Variants in MORC1 observed in about 807,000 individuals in gnomAD.
MORC1 encodes the protein MORC family CW-type zinc finger protein 1.
MORC1 carries 59 observed loss-of-function variants against 134.9 expected under a neutral mutation model. The ratio of observed to expected loss-of-function variants is 0.44; its 90% CI spans 0.35 to 0.54. MORC1 has a LOEUF of 0.54. Ranked by LOEUF, MORC1 falls within the 20% of genes least tolerant of loss-of-function variation. The probability of loss-of-function intolerance (pLI) is 0.00; values close to 1 mark genes in which losing one functional copy is unlikely to be tolerated. For missense variants in MORC1, 947 were observed against 1,134.5 expected (o/e 0.83, Z 2.37); for synonymous variants, 395 against 391.7 (o/e 1.01, Z -0.10).
At chr3:109,099,842 A>G (rs1950893624) in intron 5 of MORC1, among the ~76,000 whole-genome samples, 1 of 152,238 alleles carries the variant, frequency 6.6e-6, no homozygotes, top group South Asian at 2.1e-4. Context: ...ACAACAGAAC[A>G]TAGAGATGCA....
At chr3:109,056,907 G>T (rs187352168) in intron 13 of MORC1, among the ~76,000 whole-genome samples, 4 of 152,256 alleles carry the variant, frequency 2.6e-5, no homozygotes, top group Admixed American at 2.6e-4. Flanking sequence ...ATCCAAATAG[G>T]CTAGAGAGTT....
chr3:109,026,769 A>C (rs1201268594), intron 17 of MORC1, among the ~76,000 whole-genome samples: 1 of 152,170 alleles, frequency 6.6e-6, no homozygotes, highest in Non-Finnish European at 1.5e-5. Flanking sequence ...AAACTGTAGA[A>C]AGTTGAGCTA....
intron 17 of MORC1, among the ~76,000 whole-genome samples, chr3:109,012,860 T>C (rs1421561356): frequency 6.6e-6 from 1 of 152,228 alleles, no homozygotes; most frequent in Non-Finnish European, 1.5e-5. Flanking sequence ...AAAAAACTTT[T>C]ACCTCTTCTT....
At chr3:108,965,036 C>G (rs183451382) in intron 26 of MORC1, among the ~76,000 whole-genome samples, 1 of 152,122 alleles carries the variant, frequency 6.6e-6, no homozygotes. Flanking sequence ...GCAGGCAAAC[C>G]CAGGGAGAGA....
At chr3:109,106,921 C>T (rs1951053822) in intron 3 of MORC1, among the ~76,000 whole-genome samples, 1 of 152,172 alleles carries the variant, frequency 6.6e-6, no homozygotes, top group African/African-American at 2.4e-5. Flanking sequence ...TAAAATCCAA[C>T]CACCTAACAA....
rs1352570160 is a variant in MORC1 at position 109,008,394 on chromosome 3, A to G, written c.1705-1303T>C. Among the ~76,000 whole-genome samples, 3 of 152,044 alleles carry G rather than the reference A, an allele frequency of 2.0e-5. No individual in the cohort carries two copies. In the East Asian group the frequency reaches 5.8e-4, roughly 29 times the overall value. Reference sequence around the variant, plus strand: ...AGGCCTAGTATATACGATTATTCCAAGGGTACTTGAAGAGAAATACATACT... The same window carrying G: ...AGGCCTAGTATATACGATTATTCCAGGGGTACTTGAAGAGAAATACATACT... On this transcript the variant is annotated intron_variant, in intron 17 of 27. Transcript: ENST00000232603.
intron 8 of MORC1, among the ~76,000 whole-genome samples, chr3:109,071,347 A>G (rs1194359829): frequency 6.6e-6 from 1 of 152,216 alleles, no homozygotes; most frequent in Admixed American, 6.5e-5. Flanking sequence ...ATGTGTGTAT[A>G]TATATACATG....
At chr3:108,964,766 C>G (rs997947036) in intron 26 of MORC1, among the ~76,000 whole-genome samples, 2 of 152,146 alleles carry the variant, frequency 1.3e-5, no homozygotes, top group Non-Finnish European at 2.9e-5. Context: ...GCACATAAAT[C>G]TTATGGAACA....
At chr3:109,055,155 AGGGTGGGTG>A in intron 13 of MORC1, among the ~76,000 whole-genome samples, 1 of 152,098 alleles carries the variant, frequency 6.6e-6, no homozygotes, top group African/African-American at 2.4e-5. Context: ...GTGGAGAGTG[AGGGTGGGTG>A]GGAAGGCAAG....
chr3:109,082,446 A>G (rs1950540945), intron 8 of MORC1, among the ~76,000 whole-genome samples: 1 of 152,204 alleles, frequency 6.6e-6, no homozygotes, highest in Non-Finnish European at 1.5e-5. Flanking sequence ...GCAAGGAATC[A>G]GTGACTGACC....
At chr3:109,007,134 T>C in intron 17 of MORC1, 43 bp from the exon 18 acceptor site, 1 of 1,513,040 alleles carries the variant, frequency 6.6e-7, no homozygotes, top group Non-Finnish European at 9.1e-7. Context: ...TAAGTAAAAA[T>C]AAGCTTCAAC....
intron 20 of MORC1, among the ~76,000 whole-genome samples, chr3:109,003,675 A>C (rs1237241836): frequency 6.6e-6 from 1 of 152,222 alleles, no homozygotes; most frequent in Admixed American, 6.5e-5. Flanking sequence ...TGAATATCTG[A>C]ATATATAAAA....
At chr3:109,106,235 ATGGTAGCCACAGCT>A (rs1426224983) in intron 3 of MORC1, among the ~76,000 whole-genome samples, 4 of 152,238 alleles carry the variant, frequency 2.6e-5, no homozygotes, top group Non-Finnish European at 4.4e-5. Context: ...GCAGCTCTGC[ATGGTAGCCACAGCT>A]GATTTGCACT....
At chr3:108,987,010 C>T (rs1380247350) in intron 21 of MORC1, 61 bp from the exon 22 acceptor site, 8 of 1,280,130 alleles carry the variant, frequency 6.2e-6, no homozygotes, top group Admixed American at 5.6e-5. Context: ...ATAAACTTGA[C>T]AAAAGACCTT....
At chr3:108,987,036 C>A (rs1947913101) in intron 21 of MORC1, 87 bp from the exon 22 acceptor site, 2 of 965,866 alleles carry the variant, frequency 2.1e-6, no homozygotes, top group South Asian at 2.3e-5. Flanking sequence ...GCAGTGTCCC[C>A]AGCAGAAAAG....
At chr3:109,061,038 G>C (rs573311917) in intron 11 of MORC1, among the ~76,000 whole-genome samples, 7 of 151,334 alleles carry the variant, frequency 4.6e-5, no homozygotes, top group Non-Finnish European at 1.0e-4. Flanking sequence ...GCCATGGATA[G>C]AATTAACTTT....
At chr3:108,995,661 C>A (rs1296015450) in intron 21 of MORC1, among the ~76,000 whole-genome samples, 1 of 152,082 alleles carries the variant, frequency 6.6e-6, no homozygotes, top group Non-Finnish European at 1.5e-5. Context: ...TCTAGCTTGA[C>A]TAGAAGGACA....
chr3:109,047,189 A>G (rs546132701), intron 14 of MORC1, among the ~76,000 whole-genome samples: 1 of 152,268 alleles, frequency 6.6e-6, no homozygotes, highest in Admixed American at 6.5e-5. Context: ...CATATTGTAC[A>G]TTAGGTTTCT....
intron 2 of MORC1, among the ~76,000 whole-genome samples, chr3:109,111,764 C>A (rs887983718): frequency 6.6e-5 from 10 of 152,106 alleles, no homozygotes; most frequent in African/African-American, 2.2e-4. Flanking sequence ...GAGCGTCTCT[C>A]CAAAGTTCCA....
Sources: gnomAD v4.1 joint callset for allele counts (sites outside exome capture counted in the v4.1 genomes callset) on GRCh38, gnomAD v4.1.1 for gene constraint, MANE v1.5 for transcripts, NCBI Gene and HGNC (gene_info 2026-07-23, HGNC 2026-07-21) for gene names.